The following EXOC6B variants were observed in gnomAD, a reference collection of about 807,000 sequenced individuals.
The protein encoded by EXOC6B is exocyst complex component 6B, also known as SEC15 homolog B.
Under a neutral mutation model 113.5 loss-of-function variants are expected in EXOC6B, and 54 were observed. The ratio of observed to expected loss-of-function variants is 0.48; its 90% confidence interval spans 0.38 to 0.60. EXOC6B has a LOEUF of 0.60. Among genes scored for constraint, EXOC6B ranks in the 20% least tolerant of loss-of-function variants. The pLI is 0.00. For missense variants in EXOC6B, 797 were observed against 977.5 expected (o/e 0.82, Z 2.46); for synonymous variants, 357 against 339.0 (o/e 1.05, Z -0.58).
chr2:72,677,067 C>A (rs561313741), intron 6 of EXOC6B, among the ~76,000 whole-genome samples: 5 of 152,266 alleles, frequency 3.3e-5, no homozygotes, highest in Non-Finnish European at 7.3e-5. Flanking sequence ...TAAATAAATT[C>A]CACTAAATCT....
At chr2:72,689,382 G>T (rs190202861) in intron 6 of EXOC6B, among the ~76,000 whole-genome samples, 1 of 152,078 alleles carries the variant, frequency 6.6e-6, no homozygotes, top group Admixed American at 6.6e-5. Context: ...CACTCACAGC[G>T]CACTTCATAT....
intron 20 of EXOC6B, among the ~76,000 whole-genome samples, chr2:72,282,415 G>A (rs1685176713): frequency 1.3e-5 from 2 of 151,130 alleles, no homozygotes; most frequent in South Asian, 4.2e-4. Flanking sequence ...AAGGATAAAA[G>A]ACAGTATAAT....
At position 72,498,444 on chromosome 2, in the gene EXOC6B, A is replaced by G; in HGVS notation, c.1337+10T>C. ...AACACACACACATATGACTATAGAT[A>G]ATTTCTCACCTGAAAATACCTGCCC... On this transcript the variant is annotated intron_variant, in intron 13 of 21. Transcript: ENST00000272427. The G allele has an allele frequency of 6.3e-7, 1 of 1,588,802 alleles. No homozygotes were observed.
chr2:72,683,115 C>T (rs909972419), intron 6 of EXOC6B, among the ~76,000 whole-genome samples: 1 of 152,156 alleles, frequency 6.6e-6, no homozygotes, highest in Non-Finnish European at 1.5e-5. Flanking sequence ...GCACAAACTA[C>T]CATGTACTCC....
Position 72,422,063 on chromosome 2 carries a change from G to A in EXOC6B, c.1981-42193C>T, listed in dbSNP as rs574843610. ...CTCACTGAGCCTTAGCTGCCTTCCC[G>A]CGGGGCAGGGCTCGGGACCTGCAGC... On this transcript the variant is annotated intron_variant, in intron 18 of 21. Transcript: ENST00000272427. Among the ~76,000 whole-genome samples the A allele has an allele frequency of 3.2e-4, 49 of 152,330 alleles. 1 individual carries two copies. The East Asian group carries it at 7.7e-3, about 24-fold the overall frequency.
chr2:72,541,105 C>A (rs1702580810), intron 8 of EXOC6B, among the ~76,000 whole-genome samples: 1 of 152,132 alleles, frequency 6.6e-6, no homozygotes, highest in African/African-American at 2.4e-5. Context: ...GGAGGCTGGT[C>A]TTTCCCATGC....
At chr2:72,358,831 C>T (rs1053761030) in intron 19 of EXOC6B, among the ~76,000 whole-genome samples, 3 of 152,084 alleles carry the variant, frequency 2.0e-5, no homozygotes, top group Admixed American at 6.5e-5. Context: ...AGATTACAAC[C>T]ACATCCTAGT....
intron 11 of EXOC6B, among the ~76,000 whole-genome samples, chr2:72,503,491 T>C (rs1200212055): frequency 6.6e-6 from 1 of 152,182 alleles, no homozygotes; most frequent in Non-Finnish European, 1.5e-5. Flanking sequence ...GCAATATGCA[T>C]TTAAGGTTCC....
At chr2:72,601,172 G>GTGTT (rs1670413642) in intron 6 of EXOC6B, among the ~76,000 whole-genome samples, 1 of 59,904 alleles carries the variant, frequency 1.7e-5, no homozygotes, top group South Asian at 5.4e-4. Context: ...GTGTGTGTGT[G>GTGTT]TGTGTATATC....
intron 20 of EXOC6B, among the ~76,000 whole-genome samples, chr2:72,286,949 CAT>C (rs1454095873): frequency 1.3e-5 from 2 of 152,002 alleles, no homozygotes; most frequent in East Asian, 3.9e-4. Context: ...AAAAGAAAAA[CAT>C]ATCAAGATCT....
At chr2:72,263,016 A>G (rs1683833554) in intron 20 of EXOC6B, among the ~76,000 whole-genome samples, 1 of 152,148 alleles carries the variant, frequency 6.6e-6, no homozygotes, top group Admixed American at 6.6e-5. Context: ...CAAGATCCAA[A>G]GTTGGGGGGG....
chr2:72,439,029 C>T (rs530523702), intron 18 of EXOC6B, among the ~76,000 whole-genome samples: 55 of 152,250 alleles, frequency 3.6e-4, no homozygotes, highest in Non-Finnish European at 6.6e-4. Context: ...AAAAATCCTA[C>T]CTCTGCTGCT....
At chr2:72,563,289 T>C (rs1358734095) in intron 7 of EXOC6B, among the ~76,000 whole-genome samples, 3 of 152,138 alleles carry the variant, frequency 2.0e-5, no homozygotes, top group Non-Finnish European at 4.4e-5. Flanking sequence ...GCACATGAAT[T>C]GGTATCTAAT....
chr2:72,550,908 A>ATTTTTT (rs1254862534), intron 8 of EXOC6B, among the ~76,000 whole-genome samples: 3 of 141,232 alleles, frequency 2.1e-5, no homozygotes, highest in African/African-American at 5.2e-5. Flanking sequence ...ACTGCCATTT[A>ATTTTTT]TTTTTTTTTT....
chr2:72,229,080 G>C (rs1462744622), intron 20 of EXOC6B, among the ~76,000 whole-genome samples: 1 of 152,104 alleles, frequency 6.6e-6, no homozygotes, highest in African/African-American at 2.4e-5. Context: ...AGAAGTGTCT[G>C]TTCATATCCT....
At chr2:72,653,605 C>T (rs555277601) in intron 6 of EXOC6B, among the ~76,000 whole-genome samples, 1 of 144,856 alleles carries the variant, frequency 6.9e-6, no homozygotes, top group East Asian at 1.9e-4. Context: ...GCAACCCCCC[C>T]CCAAAAAGAA....
chr2:72,248,610 G>T (rs932097061), intron 20 of EXOC6B, among the ~76,000 whole-genome samples: 1 of 152,080 alleles, frequency 6.6e-6, no homozygotes, highest in Admixed American at 6.5e-5. Context: ...ATTACACCTT[G>T]TATGGATCCT....
chr2:72,320,684 T>C (rs1173828341), intron 20 of EXOC6B, among the ~76,000 whole-genome samples: 1 of 152,096 alleles, frequency 6.6e-6, no homozygotes, highest in African/African-American at 2.4e-5. Flanking sequence ...TTTCTTAAGA[T>C]AGGACACACA....
At chr2:72,250,600 C>T (rs1222034311) in intron 20 of EXOC6B, among the ~76,000 whole-genome samples, 1 of 151,396 alleles carries the variant, frequency 6.6e-6, no homozygotes, top group African/African-American at 2.4e-5. Context: ...CACCTCAGCC[C>T]CCTAAATTGC....
Sources: gnomAD v4.1 joint callset for allele counts (sites outside exome capture counted in the v4.1 genomes callset) on GRCh38, gnomAD v4.1.1 for gene constraint, MANE v1.5 for transcripts, NCBI Gene and HGNC (gene_info 2026-07-23, HGNC 2026-07-21) for gene names.